The following OR9Q1 variants were observed in gnomAD, a reference collection of about 807,000 sequenced individuals.
OR9Q1 encodes olfactory receptor family 9 subfamily Q member 1, also known as olfactory receptor 9Q1.
For missense variants in OR9Q1, 374 were observed against 378.8 expected (o/e 0.99, Z 0.11); for synonymous variants, 153 against 148.6 (o/e 1.03, Z -0.22).
chr11:58,142,494 C>T (rs574221417), intron 2 of OR9Q1, among the ~76,000 whole-genome samples: 1 of 152,180 alleles, frequency 6.6e-6, no homozygotes, highest in East Asian at 1.9e-4. Context: ...AAATATTTAC[C>T]CTATCAAGAA....
chr11:58,059,656 C>T (rs1353208619), intron 2 of OR9Q1, among the ~76,000 whole-genome samples: 2 of 122,984 alleles, frequency 1.6e-5, no homozygotes, highest in African/African-American at 2.9e-5. Flanking sequence ...CCACTGCACT[C>T]CTGCCTGGGT....
chr11:58,065,690 C>T (rs568333023), intron 2 of OR9Q1, among the ~76,000 whole-genome samples: 7 of 152,236 alleles, frequency 4.6e-5, no homozygotes, highest in South Asian at 2.1e-4. Context: ...TTTGAAAACA[C>T]GCCCAGGCAG....
chr11:58,118,713 G>A lies in OR9Q1; in HGVS notation c.-14-60718G>A, dbSNP rs766141288. Reference sequence around the variant, plus strand: ...CAAAGAAAAGGGCCACAGCAGTGATGTGAGAGGCACATGTGGAGAAAGTCT... The same window carrying A: ...CAAAGAAAAGGGCCACAGCAGTGATATGAGAGGCACATGTGGAGAAAGTCT... On this transcript the variant is annotated intron_variant, in intron 2 of 2. Coordinates refer to ENST00000335397, the MANE Select transcript of OR9Q1 (RefSeq NM_001005212.4). 6.2e-6 allele frequency: 10 copies of A among 1,614,096 alleles called. No individual in the cohort carries two copies. The South Asian group carries it at 1.1e-4, about 18-fold the overall frequency.
intron 2 of OR9Q1, among the ~76,000 whole-genome samples, chr11:58,142,265 AGCATGAAGGCAGGAC>A (rs1365880783): frequency 3.9e-5 from 6 of 152,086 alleles, no homozygotes; most frequent in Non-Finnish European, 7.4e-5. Flanking sequence ...CACGAGAATG[AGCATGAAGGCAGGAC>A]CCTTTGTTTT....
chr11:58,118,395 G>A (rs920734450), intron 2 of OR9Q1: 3 of 738,886 alleles, frequency 4.1e-6, no homozygotes, highest in Admixed American at 2.4e-5. Flanking sequence ...CCTATCTTCT[G>A]TCTTCTCTGT....
chr11:58,103,201 G>A (rs566830827), intron 2 of OR9Q1, among the ~76,000 whole-genome samples: 5 of 152,188 alleles, frequency 3.3e-5, no homozygotes, highest in African/African-American at 1.2e-4. Context: ...TGCTTCACAT[G>A]GCGGCAGCAA....
At chr11:58,178,810 C>T (rs1052571360) in intron 2 of OR9Q1, among the ~76,000 whole-genome samples, 2 of 150,530 alleles carry the variant, frequency 1.3e-5, no homozygotes, top group African/African-American at 2.4e-5. Flanking sequence ...CACAGGACTT[C>T]GTTGATGGCA....
At chr11:58,105,663 T>C (rs10896701) in intron 2 of OR9Q1, among the ~76,000 whole-genome samples, 85,287 of 151,984 alleles carry the variant, frequency 0.56, 24,949 homozygotes, top group South Asian at 0.74. Flanking sequence ...TGGCAACCAC[T>C]ATTGTATTTT....
At chr11:58,114,248 C>G (rs1185692579) in intron 2 of OR9Q1, among the ~76,000 whole-genome samples, 1 of 152,162 alleles carries the variant, frequency 6.6e-6, no homozygotes, top group Non-Finnish European at 1.5e-5. Context: ...CATCTTGTTT[C>G]TGAATCACTG....
chr11:58,098,274 CTCTT>C (rs1398949331), intron 2 of OR9Q1, among the ~76,000 whole-genome samples: 4 of 152,114 alleles, frequency 2.6e-5, no homozygotes. Flanking sequence ...GGATATATGA[CTCTT>C]TAACAGATAT....
intron 1 of OR9Q1, among the ~76,000 whole-genome samples, chr11:58,053,630 A>AATTATATATATAT (rs1491043862): frequency 6.6e-5 from 5 of 75,408 alleles, no homozygotes; most frequent in East Asian, 2.4e-4. Context: ...TATATATAAA[A>AATTATATATATAT]TATATATATA....
At chr11:58,158,922 C>T (rs558926888) in intron 2 of OR9Q1, among the ~76,000 whole-genome samples, 1 of 152,184 alleles carries the variant, frequency 6.6e-6, no homozygotes, top group Admixed American at 6.5e-5. Flanking sequence ...AAGGAACACT[C>T]CCTAGGTTCC....
chr11:58,041,942 C>T (rs1358850874), intron 1 of OR9Q1, among the ~76,000 whole-genome samples: 2 of 152,192 alleles, frequency 1.3e-5, no homozygotes, highest in African/African-American at 4.8e-5. Flanking sequence ...CCTATGGAAG[C>T]TCCAACTCCT....
chr11:58,144,719 C>T (rs1047854085), intron 2 of OR9Q1: 2 of 152,576 alleles, frequency 1.3e-5, no homozygotes, highest in African/African-American at 4.8e-5. Flanking sequence ...TATTGGTCCT[C>T]AGTTGCTTGA....
chr11:58,104,652 C>A (rs1171015739), intron 2 of OR9Q1, among the ~76,000 whole-genome samples: 1 of 152,126 alleles, frequency 6.6e-6, no homozygotes, highest in Non-Finnish European at 1.5e-5. Context: ...TTAGCCAATG[C>A]AACACTTTTC....
intron 2 of OR9Q1, among the ~76,000 whole-genome samples, chr11:58,136,057 G>A (rs1159516000): frequency 6.6e-6 from 1 of 152,112 alleles, no homozygotes; most frequent in African/African-American, 2.4e-5. Context: ...TTTCTGAGGT[G>A]TAGTAGAGAT....
intron 1 of OR9Q1, among the ~76,000 whole-genome samples, chr11:58,047,874 C>A (rs761127270): frequency 6.6e-6 from 1 of 152,128 alleles, no homozygotes; most frequent in Non-Finnish European, 1.5e-5. Flanking sequence ...CAGAGAGAGA[C>A]TCCGTCTCAC....
At chr11:58,119,673 T>G (rs542083715) in intron 2 of OR9Q1, among the ~76,000 whole-genome samples, 2 of 152,294 alleles carry the variant, frequency 1.3e-5, no homozygotes, top group South Asian at 4.1e-4. Flanking sequence ...TAATCCTAGT[T>G]TACATTTGGA....
At chr11:58,131,414 T>C (rs1442804094) in intron 2 of OR9Q1, among the ~76,000 whole-genome samples, 2 of 152,160 alleles carry the variant, frequency 1.3e-5, no homozygotes, top group Non-Finnish European at 2.9e-5. Context: ...ATAAGAAATA[T>C]ATATATCTTT....
Sources: allele counts gnomAD v4.1 joint callset (sites outside exome capture counted in the v4.1 genomes callset), GRCh38; gene constraint gnomAD v4.1.1; transcripts MANE v1.5; gene names NCBI Gene and HGNC (gene_info 2026-07-23, HGNC 2026-07-21).